Variants in UVSSA observed in about 807,000 individuals in gnomAD.
UVSSA encodes the protein UV-stimulated scaffold protein A.
In UVSSA, 72 loss-of-function variants were observed where a neutral mutation model predicts 73.9. That is an observed-to-expected ratio of 0.97 (90% CI 0.81 to 1.19). The LOEUF is 1.19. Ranked by LOEUF, UVSSA falls within the 50% of genes most tolerant of loss-of-function variation. The pLI is 0.00. For synonymous variants in UVSSA, 454 were observed against 391.3 expected, an observed-to-expected ratio of 1.16 and a Z score of -1.89; for missense variants, 1,150 against 965.0, an observed-to-expected ratio of 1.19 and a Z score of -2.54.
chr4:1,393,482 G>A (rs1490875239), exon 14 of UVSSA: 2 of 152,152 alleles, frequency 1.3e-5, no homozygotes, highest in Admixed American at 6.6e-5. Context: ...TTGAACCCGG[G>A]AGGCAGAGGT....
At chr4:1,348,315 G>T in intron 2 of UVSSA, 126 bp downstream of exon 2, 1 of 740,370 alleles carries the variant, frequency 1.4e-6, no homozygotes. Flanking sequence ...ACATTTTCTC[G>T]GGGCCCTGCA....
At chr4:1,365,521 C>T (rs10006381) in intron 7 of UVSSA, among the ~76,000 whole-genome samples, 26,963 of 152,148 alleles carry the variant, frequency 0.18, 3,084 homozygotes, top group African/African-American at 0.33. Context: ...TCCAGCTCCT[C>T]AATGGGAGGA....
intron 4 of UVSSA, 88 bp downstream of exon 4, chr4:1,351,923 C>A: frequency 6.4e-7 from 1 of 1,551,400 alleles, no homozygotes; most frequent in South Asian, 1.2e-5. Context: ...AGGGCCCCAG[C>A]CGCAAGGAAC....
chr4:1,363,736 G>A (rs140323782), intron 7 of UVSSA, among the ~76,000 whole-genome samples: 5 of 152,342 alleles, frequency 3.3e-5, no homozygotes, highest in Admixed American at 2.0e-4. Flanking sequence ...TTTGCTCAGC[G>A]CGGGAGTTAA....
exon 14 of UVSSA, chr4:1,393,338 A>G (rs916961585): frequency 2.6e-5 from 4 of 152,166 alleles, no homozygotes; most frequent in Non-Finnish European, 5.9e-5. Flanking sequence ...CTCATACTTT[A>G]ATTCTGTAGA....
intron 8 of UVSSA, among the ~76,000 whole-genome samples, chr4:1,369,726 C>CATCGATTCCCTCCCTCACTGTCTG (rs1717790141): frequency 1.3e-5 from 2 of 152,258 alleles, no homozygotes; most frequent in Non-Finnish European, 2.9e-5. Context: ...CGTTTCCTAC[C>CATCGATTCCCTCCCTCACTGTCTG]ATCGATTCCC....
chr4:1,385,873 C>T lies in UVSSA; in HGVS notation c.2042C>T (p.Ala681Val). 2 of 1,614,070 alleles carry T rather than the reference C, an allele frequency of 1.2e-6. No homozygotes were observed. The highest frequency in any genetic ancestry group is 1.7e-6 in the Non-Finnish European group (2 of 1,180,014). Residue 681 changes from alanine to valine, a missense_variant, in exon 14 of 14, where the codon GCT becomes GTT. Physicochemically the swap from Ala to Val is moderately conservative, Grantham distance 64. Transcript: ENST00000389851. ...CTTGCCTTGTTTCCCCACAGGGCAG[C>T]TGTGCGGAGGGTAGTGGCAGCCATG... ...RIGRKVFAKA[A>V]VRRVVAAMNR...
Position 1,374,636 on chromosome 4 carries a change from G to A in UVSSA, c.1289-728G>A, listed in dbSNP as rs531681325. Among the ~76,000 whole-genome samples the A allele has an allele frequency of 8.5e-5, 13 of 152,320 alleles. No individual in the cohort carries two copies. The East Asian group carries it at 2.3e-3, about 27-fold the overall frequency. On this transcript the variant is annotated intron_variant, in intron 8 of 13. Coordinates refer to ENST00000389851, the MANE Select transcript of UVSSA (RefSeq NM_020894.4). Reference sequence around the variant, plus strand: ...GGCGGCGGGGCGGACCCTCTTCGACGGGCACTCCGGGACGGCATCTTGGTC... The same window carrying A: ...GGCGGCGGGGCGGACCCTCTTCGACAGGCACTCCGGGACGGCATCTTGGTC...
chr4:1,384,175 G>T, intron 13 of UVSSA: 1 of 541,522 alleles, frequency 1.8e-6, no homozygotes, highest in South Asian at 2.5e-5. Flanking sequence ...AGGATAAGAG[G>T]GGCTCGACCG....
exon 14 of UVSSA, chr4:1,394,505 A>G: frequency 1.9e-6 from 3 of 1,614,174 alleles, no homozygotes; most frequent in Non-Finnish European, 2.5e-6. Context: ...GTGTCCCTGC[A>G]CCTCTTATGC....
intron 7 of UVSSA, among the ~76,000 whole-genome samples, chr4:1,363,586 C>T (rs1043813031): frequency 3.9e-5 from 6 of 152,198 alleles, no homozygotes; most frequent in African/African-American, 1.4e-4. Flanking sequence ...TGTGTGATAA[C>T]GCGCTGCACT....
At chr4:1,361,912 T>A (rs1196814941) in intron 7 of UVSSA, among the ~76,000 whole-genome samples, 1 of 151,964 alleles carries the variant, frequency 6.6e-6, no homozygotes, top group Non-Finnish European at 1.5e-5. Context: ...ACAAAAGTGA[T>A]TTCTTGGGTG....
At position 1,355,107 on chromosome 4, in the gene UVSSA, C is replaced by G. The variant is rs200149945; in HGVS notation, c.1048-10C>G. On this transcript the variant is annotated splice_polypyrimidine_tract_variant and intron_variant, in intron 6 of 13. Transcript: ENST00000389851. ...CCGGCCCCTGAGCTGTTCGCACCCCCGTTTCGCAGCGCTTCACCCGCGTCG... is the reference window on the plus strand; with the variant it reads ...CCGGCCCCTGAGCTGTTCGCACCCCGGTTTCGCAGCGCTTCACCCGCGTCG... 6.2e-7 allele frequency: 1 copy of G among 1,613,194 alleles called. No homozygotes were observed. The highest frequency in any genetic ancestry group is 1.7e-5 in the Admixed American group (1 of 59,986).
chr4:1,383,883 A>G lies in UVSSA; in HGVS notation c.1979A>G (p.Asn660Ser), dbSNP rs1719795977. The change falls in exon 13 of 14, where the codon AAC (asparagine) becomes AGC (serine). Residue 660 changes from asparagine (N) to serine (S), a missense_variant. Coordinates refer to ENST00000389851, the MANE Select transcript of UVSSA (RefSeq NM_020894.4). ...AAGAGGAGGTACCCCAGCCTCACCA[A>G]CCTGAAGGCTCAGGCTGATACCGCC... ...GKKRRYPSLT[N>S]LKAQADTARA... is the part of the protein sequence containing the mutation. The G allele has an allele frequency of 1.2e-6, 2 of 1,613,390 alleles. No individual in the cohort carries two copies. Among genetic ancestry groups the G allele is most frequent in the African/African-American group, 2.7e-5 (2 of 74,914 alleles).
At chr4:1,348,301 C>G in intron 2 of UVSSA, 112 bp downstream of exon 2, 1 of 808,582 alleles carries the variant, frequency 1.2e-6, no homozygotes, top group Non-Finnish European at 2.0e-6. Context: ...GGGACACACC[C>G]AGGACATTTT....
At position 1,355,199 on chromosome 4, in the gene UVSSA, A is replaced by G. The variant is rs200309770; in HGVS notation, c.1130A>G (p.Lys377Arg). The stretch of plus-strand genomic sequence containing the variant: ...GCTGAATTGGAGCTCGTACTGAGAA[A>G]ATACAAGGAGCTGGACATCGAGCCT... ...LKAELELVLRKYKELDIEPEG... is the reference protein window; with the variant it reads ...LKAELELVLRRYKELDIEPEG... The change falls in exon 7 of 14, where the codon AAA becomes AGA. Residue 377 changes from lysine to arginine, a missense_variant. Coordinates refer to ENST00000389851, the MANE Select transcript of UVSSA (RefSeq NM_020894.4). 4.8e-4 allele frequency: 780 copies of G among 1,613,588 alleles called. 12 individuals are homozygous for G. In the South Asian group the frequency reaches 6.1e-3, roughly 13 times the overall value.
rs376020467 is a variant in UVSSA at position 1,375,546 on chromosome 4, G to A, written c.1433+38G>A. The A allele has an allele frequency of 1.9e-4, 295 of 1,591,226 alleles. 2 individuals are homozygous for A. Among genetic ancestry groups the A allele is most frequent in the Non-Finnish European group, 2.3e-4 (269 of 1,172,410 alleles). On this transcript the variant is annotated intron_variant, in intron 9 of 13. Coordinates refer to ENST00000389851, the MANE Select transcript of UVSSA (RefSeq NM_020894.4). ...GTCCTGTGTGCTGAGCCCCCTGCCC[G>A]GCGCTGCCACAGCCTCTGCCCAGAG...
chr4:1,365,267 TTGGCGTTCTG>T (rs1210875404), intron 7 of UVSSA, among the ~76,000 whole-genome samples: 2 of 152,232 alleles, frequency 1.3e-5, no homozygotes, highest in Non-Finnish European at 2.9e-5. Flanking sequence ...GCAAGACAGC[TTGGCGTTCTG>T]TTAGCAACAG....
chr4:1,394,732 G>A (rs1720484678), exon 14 of UVSSA: 1 of 1,589,956 alleles, frequency 6.3e-7, no homozygotes, highest in African/African-American at 1.5e-5. Context: ...CATGTGGAGT[G>A]CCCACCTGCT....
Sources: allele counts gnomAD v4.1 joint callset (sites outside exome capture counted in the v4.1 genomes callset), GRCh38; gene constraint gnomAD v4.1.1; transcripts MANE v1.5; gene names NCBI Gene and HGNC (gene_info 2026-07-23, HGNC 2026-07-21).